The following STK3 variants were observed in gnomAD, a reference collection of about 807,000 sequenced individuals.
STK3 encodes the protein serine/threonine kinase 3.
STK3 carries 41 observed loss-of-function variants against 58.0 expected under a neutral mutation model. The ratio of observed to expected loss-of-function variants is 0.71; its 90% CI spans 0.55 to 0.92. The LOEUF is 0.92. Ranked by LOEUF, STK3 falls within the 40% of genes least tolerant of loss-of-function variation. The pLI is 0.00. For synonymous variants in STK3, 170 were observed against 191.0 expected, an observed-to-expected ratio of 0.89 and a Z score of 0.91; for missense variants, 479 against 602.7, an observed-to-expected ratio of 0.79 and a Z score of 2.15.
At chr8:98,675,254 A>T (rs1823114134) in intron 6 of STK3, among the ~76,000 whole-genome samples, 1 of 152,228 alleles carries the variant, frequency 6.6e-6, no homozygotes, top group Admixed American at 6.5e-5. Context: ...AGAACTCTCC[A>T]ACTACAAGAA....
chr8:98,545,952 A>T (rs2131576527), intron 9 of STK3, among the ~76,000 whole-genome samples: 1 of 152,302 alleles, frequency 6.6e-6, no homozygotes, highest in Non-Finnish European at 1.5e-5. Flanking sequence ...CTACTGCTAT[A>T]CTACAATATG....
chr8:98,484,186 A>G (rs867552337), intron 10 of STK3, among the ~76,000 whole-genome samples: 10 of 146,552 alleles, frequency 6.8e-5, no homozygotes, highest in Middle Eastern at 3.3e-3. Context: ...ACAATTTTTC[A>G]GAAAGACCAG....
intron 1 of STK3, among the ~76,000 whole-genome samples, chr8:98,939,587 G>T (rs1190759041): frequency 1.3e-5 from 2 of 152,248 alleles, no homozygotes; most frequent in East Asian, 3.8e-4. Flanking sequence ...TCTGGAGACG[G>T]GAGGGTAGCG....
intron 1 of STK3, among the ~76,000 whole-genome samples, chr8:98,820,079 C>T (rs1834790537): frequency 6.6e-6 from 1 of 152,140 alleles, no homozygotes; most frequent in Non-Finnish European, 1.5e-5. Context: ...GATCCCTTTG[C>T]TTTTTCTTTC....
chr8:98,575,616 G>C (rs1813333814), intron 8 of STK3, among the ~76,000 whole-genome samples: 1 of 151,370 alleles, frequency 6.6e-6, no homozygotes, highest in Non-Finnish European at 1.5e-5. Context: ...TAAGTTGTAA[G>C]AGTTCTCTAT....
intron 1 of STK3, among the ~76,000 whole-genome samples, chr8:98,887,214 C>T (rs545041885): frequency 5.9e-5 from 9 of 152,246 alleles, no homozygotes; most frequent in Middle Eastern, 3.4e-3. Context: ...ATAAGTCTGT[C>T]CGTGTTCAGT....
At chr8:98,825,780 CCCGCCCCGCCCCCGG>C (rs1835240571), upstream of STK3, 1 of 84,104 alleles carries the variant, frequency 1.2e-5, no homozygotes, top group Admixed American at 1.0e-4. Flanking sequence ...CCCCGGCCGC[CCCGCCCCGCCCCCGG>C]CCGCCCCGCC....
chr8:98,832,255 A>AAAT (rs1000505539), intron 3 of STK3, among the ~76,000 whole-genome samples: 8 of 138,888 alleles, frequency 5.8e-5, no homozygotes, highest in African/African-American at 2.1e-4. Flanking sequence ...AAAAAAAAAA[A>AAAT]ATATATATAT....
intron 1 of STK3, among the ~76,000 whole-genome samples, chr8:98,815,490 C>T (rs1389877274): frequency 6.6e-6 from 1 of 152,088 alleles, no homozygotes; most frequent in Non-Finnish European, 1.5e-5. Context: ...AAGAAGTATA[C>T]AAGATGGGCC....
intron 4 of STK3, among the ~76,000 whole-genome samples, chr8:98,740,169 T>C (rs1829063776): frequency 6.6e-6 from 1 of 152,184 alleles, no homozygotes. Flanking sequence ...GAAAACACTC[T>C]GCAGGATATT....
intron 1 of STK3, among the ~76,000 whole-genome samples, chr8:98,887,157 T>C (rs1337284429): frequency 6.6e-6 from 1 of 152,174 alleles, no homozygotes; most frequent in African/African-American, 2.4e-5. Flanking sequence ...AATGCAAATG[T>C]CACGTAATAG....
chr8:98,391,728 T>C (rs1817849943), upstream of STK3, among the ~76,000 whole-genome samples: 1 of 152,190 alleles, frequency 6.6e-6, no homozygotes, highest in African/African-American at 2.4e-5. Context: ...TTCCAGGTTT[T>C]TAGCTGCATT....
downstream of STK3, among the ~76,000 whole-genome samples, chr8:98,452,331 C>T (rs1359647089): frequency 1.3e-5 from 2 of 152,086 alleles, no homozygotes; most frequent in South Asian, 2.1e-4. Flanking sequence ...GTAAGTGCCC[C>T]GAATAACAGG....
intron 6 of STK3, among the ~76,000 whole-genome samples, chr8:98,697,453 G>A (rs1022171771): frequency 6.6e-6 from 1 of 152,134 alleles, no homozygotes; most frequent in African/African-American, 2.4e-5. Context: ...TGATGTTAGG[G>A]TGTCAATTTT....
At chr8:98,893,536 GAA>G (rs377130769) in intron 1 of STK3, among the ~76,000 whole-genome samples, 81 of 121,142 alleles carry the variant, frequency 6.7e-4, no homozygotes, top group African/African-American at 1.9e-3. Flanking sequence ...AAGAAAGAAA[GAA>G]AAAGAAAGAG....
intron 6 of STK3, among the ~76,000 whole-genome samples, chr8:98,644,750 A>T (rs1820275178): frequency 6.6e-6 from 1 of 152,222 alleles, no homozygotes; most frequent in South Asian, 2.1e-4. Context: ...AATTAAATTA[A>T]CTGATACCAG....
chr8:98,613,974 C>A (rs1233117512), intron 6 of STK3, among the ~76,000 whole-genome samples: 1 of 152,020 alleles, frequency 6.6e-6, no homozygotes, highest in Non-Finnish European at 1.5e-5. Context: ...AGTGATGAGA[C>A]ATAATTCACC....
chr8:98,477,282 C>G (rs1821400486), intron 10 of STK3, among the ~76,000 whole-genome samples: 1 of 152,046 alleles, frequency 6.6e-6, no homozygotes, highest in African/African-American at 2.4e-5. Context: ...AGGCTCCTTG[C>G]CATGTAAAAT....
chr8:98,765,890 C>T (rs1830915036), intron 3 of STK3, among the ~76,000 whole-genome samples: 1 of 152,238 alleles, frequency 6.6e-6, no homozygotes. Context: ...GCCTAGGCTA[C>T]TTCACATTGC....
Sources: allele counts gnomAD v4.1 joint callset (sites outside exome capture counted in the v4.1 genomes callset), GRCh38; gene constraint gnomAD v4.1.1; transcripts MANE v1.5; gene names NCBI Gene and HGNC (gene_info 2026-07-23, HGNC 2026-07-21).